LINC00305: variants seen among roughly 807,000 people sequenced by gnomAD.
The protein encoded by LINC00305 is long independently transcribed non-coding RNA 305, also known as long intergenic non-protein coding RNA 305.
chr18:64,109,346 T>G (rs2051305265), intron 1 of LINC00305, among the ~76,000 whole-genome samples: 1 of 152,142 alleles, frequency 6.6e-6, no homozygotes, highest in Non-Finnish European at 1.5e-5. Context: ...TTGGAGAAAT[T>G]AAGTGGAAAA....
chr18:64,091,302 A>G (rs1444375450), intron 3 of LINC00305, among the ~76,000 whole-genome samples: 1 of 152,124 alleles, frequency 6.6e-6, no homozygotes, highest in East Asian at 1.9e-4. Flanking sequence ...CCCAAACATC[A>G]TGTGTTCACC....
At chr18:64,097,657 C>T (rs1015764211) in intron 3 of LINC00305, among the ~76,000 whole-genome samples, 22 of 151,648 alleles carry the variant, frequency 1.5e-4, no homozygotes, top group Middle Eastern at 3.4e-3. Flanking sequence ...AGAACTACTC[C>T]GCGTGGTCAG....
At chr18:64,143,243 C>T (rs983700453) in intron 1 of LINC00305, among the ~76,000 whole-genome samples, 1 of 152,152 alleles carries the variant, frequency 6.6e-6, no homozygotes, top group African/African-American at 2.4e-5. Flanking sequence ...TGATTCCCTC[C>T]ATTTGCTTGC....
At chr18:64,112,335 C>CA (rs35340500) in intron 1 of LINC00305, among the ~76,000 whole-genome samples, 18,068 of 109,062 alleles carry the variant, frequency 0.17, 1,375 homozygotes, top group East Asian at 0.32. Context: ...GCACATTGCT[C>CA]AAAAAAAAAA....
chr18:64,148,528 G>T (rs1444999780), intron 1 of LINC00305, among the ~76,000 whole-genome samples: 1 of 152,132 alleles, frequency 6.6e-6, no homozygotes, highest in Non-Finnish European at 1.5e-5. Flanking sequence ...GTGGAACAAG[G>T]TTCCCTTTCT....
chr18:64,124,976 G>A (rs773607858), intron 1 of LINC00305, among the ~76,000 whole-genome samples: 6 of 151,858 alleles, frequency 4.0e-5, no homozygotes, highest in Non-Finnish European at 7.4e-5. Context: ...ATGAACCTAT[G>A]GTATATATTC....
At chr18:64,124,147 C>G (rs1599223158) in intron 1 of LINC00305, among the ~76,000 whole-genome samples, 1 of 152,116 alleles carries the variant, frequency 6.6e-6, no homozygotes, top group East Asian at 1.9e-4. Flanking sequence ...GAGATATTCC[C>G]CTTGCTCCTC....
At chr18:64,092,850 G>T (rs1312559101) in intron 3 of LINC00305, among the ~76,000 whole-genome samples, 1 of 152,148 alleles carries the variant, frequency 6.6e-6, no homozygotes, top group East Asian at 1.9e-4. Flanking sequence ...TTTCATTAAG[G>T]ATGTACTTGG....
At chr18:64,143,378 T>G (rs534295832) in intron 1 of LINC00305, among the ~76,000 whole-genome samples, 1 of 151,722 alleles carries the variant, frequency 6.6e-6, no homozygotes, top group African/African-American at 2.4e-5. Context: ...GCCTAGTATC[T>G]GAAAAGCATT....
intron 1 of LINC00305, among the ~76,000 whole-genome samples, chr18:64,142,561 G>A (rs2051468980): frequency 6.6e-6 from 1 of 152,194 alleles, no homozygotes; most frequent in African/African-American, 2.4e-5. Context: ...GCATGAATTA[G>A]TGTTGCAGGG....
At chr18:64,099,956 GC>G (rs1229755190) in intron 1 of LINC00305, among the ~76,000 whole-genome samples, 1 of 152,120 alleles carries the variant, frequency 6.6e-6, no homozygotes, top group Non-Finnish European at 1.5e-5. Flanking sequence ...GTTCCGTGTT[GC>G]CCTGGGCATT....
chr18:64,084,966 C>T (rs2051198058), intron 3 of LINC00305, among the ~76,000 whole-genome samples: 1 of 152,214 alleles, frequency 6.6e-6, no homozygotes, highest in Non-Finnish European at 1.5e-5. Flanking sequence ...AGTATGAGAA[C>T]AGGGAGGTGT....
chr18:64,132,859 T>C (rs2051416007), intron 1 of LINC00305, among the ~76,000 whole-genome samples: 1 of 151,948 alleles, frequency 6.6e-6, no homozygotes, highest in Non-Finnish European at 1.5e-5. Context: ...GGCTTCTGCC[T>C]TAGTCTTTTG....
intron 3 of LINC00305, among the ~76,000 whole-genome samples, chr18:64,095,264 T>C (rs556791990): frequency 6.6e-6 from 1 of 152,228 alleles, no homozygotes; most frequent in South Asian, 2.1e-4. Context: ...AGACCTCTCC[T>C]CTCTCAAGGA....
intron 3 of LINC00305, among the ~76,000 whole-genome samples, chr18:64,086,576 A>G (rs1041440705): frequency 1.3e-5 from 2 of 152,222 alleles, no homozygotes; most frequent in African/African-American, 2.4e-5. Flanking sequence ...GGATTGGGAA[A>G]GTTTACCTTC....
At chr18:64,129,479 T>G (rs942962762) in intron 1 of LINC00305, among the ~76,000 whole-genome samples, 1 of 152,164 alleles carries the variant, frequency 6.6e-6, no homozygotes, top group Non-Finnish European at 1.5e-5. Flanking sequence ...GATGCCCCAA[T>G]GCTTCACAGT....
chr18:64,137,203 C>T (rs961296269), intron 1 of LINC00305, among the ~76,000 whole-genome samples: 2 of 152,118 alleles, frequency 1.3e-5, no homozygotes, highest in African/African-American at 4.8e-5. Flanking sequence ...CAGCCACAGT[C>T]CAGGGGACAG....
rs565451203 is a variant in LINC00305, at chr18:64,099,580, CA to C, written n.315-941del. 6.7e-4 allele frequency among the ~76,000 whole-genome samples: 102 copies of C among 152,280 alleles called. 3 individuals carry two copies. The South Asian group carries it at 0.019, about 29-fold the overall frequency. ...ATAAAAATCTTTTTTGCTAGCTGGT[CA>C]CCTGAATTCATTTAGTTTACCTTGT... On this transcript the variant is annotated intron_variant and non_coding_transcript_variant, in intron 1 of 3. Coordinates refer to ENST00000666468, the Ensembl canonical transcript of LINC00305.
At chr18:64,121,844 C>A (rs2051363504) in intron 1 of LINC00305, among the ~76,000 whole-genome samples, 1 of 152,086 alleles carries the variant, frequency 6.6e-6, no homozygotes, top group South Asian at 2.1e-4. Context: ...CACAAACTCA[C>A]CAATATTTGT....
Sources: allele counts gnomAD v4.1 joint callset (sites outside exome capture counted in the v4.1 genomes callset), GRCh38; gene constraint gnomAD v4.1.1; transcripts MANE v1.5; gene names NCBI Gene and HGNC (gene_info 2026-07-23, HGNC 2026-07-21).